RAB15: variants seen among roughly 807,000 people sequenced by gnomAD.
The protein encoded by RAB15 is RAB15, member RAS oncogene family, also known as ras-related protein Rab-15.
RAB15 carries 13 observed loss-of-function variants against 31.8 expected under a neutral mutation model. That is an observed-to-expected ratio of 0.41 (90% confidence interval 0.27 to 0.65). The LOEUF (loss-of-function observed/expected upper bound fraction) is 0.65, where lower values mean the gene tolerates loss of function less well. Ranked by LOEUF, RAB15 falls within the 30% of genes least tolerant of loss-of-function variation. The pLI, the probability that RAB15 is intolerant of heterozygous loss-of-function variation, is 0.32. For synonymous variants in RAB15, 100 were observed against 105.6 expected (o/e 0.95, Z 0.33); for missense variants, 220 against 277.3 (o/e 0.79, Z 1.47).
In RAB15 at chr14:64,971,208, A is replaced by T. The variant is rs1471016966; in HGVS notation, c.124+745T>A. Among the ~76,000 whole-genome samples the T allele has an allele frequency of 6.6e-6, 1 of 152,146 alleles. No individual in the cohort carries two copies. The highest frequency in any genetic ancestry group is 1.5e-5 in the Non-Finnish European group (1 of 68,010). On this transcript the variant is annotated intron_variant, in intron 1 of 6. Coordinates refer to ENST00000533601, the MANE Select transcript of RAB15 (RefSeq NM_001308154.2). The surrounding 1 kb of genome is among the most constrained non-coding windows in gnomAD (Gnocchi z 4.1). ...TGACCCCATCATAGTGCTGTCTGGG[A>T]TGCCACCGGGTCTTGTCCCTCTAAC...
chr14:64,954,175 C>T lies in RAB15; in HGVS notation c.125-1604G>A. On this transcript the variant is annotated intron_variant, in intron 1 of 6. Transcript: ENST00000533601. This position sits in a 1 kb window ranked among gnomAD's most constrained non-coding sequence, Gnocchi z 4.3. ...CCCAAGCTGATTCATATCCATTGAG[C>T]TGTACTTTTCCAAATGGGCAATGCC... 2 of 985,420 alleles carry T rather than the reference C, an allele frequency of 2.0e-6. No homozygotes were observed. Among genetic ancestry groups the T allele is most frequent in the Non-Finnish European group, 2.4e-6 (2 of 829,936 alleles). The allele number at this position is 985,420 out of a possible 1,614,324, so 61.0% of individuals were successfully genotyped here.
chr14:64,954,102 CA>C lies in RAB15; in HGVS notation c.125-1532del. Reference sequence around the variant, plus strand: ...CAAGGGAAAAAAGATGCAGAACGGGCAACCTGAACTAAATCGATTTGGTCAG... The same window carrying C: ...CAAGGGAAAAAAGATGCAGAACGGGCACCTGAACTAAATCGATTTGGTCAG... On this transcript the variant is annotated intron_variant, in intron 1 of 6. Transcript: ENST00000533601. This position sits in a 1 kb window ranked among gnomAD's most constrained non-coding sequence, Gnocchi z 4.3. 1 of 985,436 alleles carries C rather than the reference CA, an allele frequency of 1.0e-6. No individual in the cohort carries two copies. Among genetic ancestry groups the C allele is most frequent in the Non-Finnish European group, 1.2e-6 (1 of 829,926 alleles). 61.0% of individuals were successfully genotyped at this position (985,436 alleles called of 1,614,324 possible).
chr14:64,971,763 C>T lies in RAB15; in HGVS notation c.124+190G>A, dbSNP rs1887431639. 2 of 592,620 alleles carry T rather than the reference C, an allele frequency of 3.4e-6. No homozygotes were observed. Among genetic ancestry groups the T allele is most frequent in the African/African-American group, 3.8e-5 (2 of 52,110 alleles). 36.7% of individuals were successfully genotyped at this position (592,620 alleles called of 1,614,324 possible). A position where few individuals can be genotyped will look rare whatever the true frequency, so the allele number is the denominator to read the frequency against. On this transcript the variant is annotated intron_variant, in intron 1 of 6. Transcript: ENST00000533601. This position sits in a 1 kb window ranked among gnomAD's most constrained non-coding sequence, Gnocchi z 4.1. Reference sequence around the variant, plus strand: ...CGGGAGACCCCACCCCTGGTCCGGACGGCAGGCAGCAGGGACACCCTCACC... The same window carrying T: ...CGGGAGACCCCACCCCTGGTCCGGATGGCAGGCAGCAGGGACACCCTCACC...
chr14:64,960,072 T>C (rs1481172860), intron 1 of RAB15, among the ~76,000 whole-genome samples: 3 of 152,144 alleles, frequency 2.0e-5, no homozygotes, highest in Admixed American at 1.3e-4. Flanking sequence ...CTGCTGTGAC[T>C]CTGTCTGTAT....
chr14:64,957,336 C>T (rs1886631987), intron 1 of RAB15, among the ~76,000 whole-genome samples: 1 of 152,170 alleles, frequency 6.6e-6, no homozygotes, highest in Non-Finnish European at 1.5e-5. Context: ...GTAGTCCTCT[C>T]ACTCCTACCT....
rs939609612 is a variant in RAB15, at chr14:64,968,853, G to A, written c.124+3100C>T. ...TGCCTGTGGCAGAGCCAGTGGCAGG[G>A]CCACCTGCTGGTCTGCTGGCCAGAA... On this transcript the variant is annotated intron_variant, in intron 1 of 6. Transcript: ENST00000533601. The surrounding 1 kb of genome is among the most constrained non-coding windows in gnomAD (Gnocchi z 4.9). 4.6e-5 allele frequency among the ~76,000 whole-genome samples: 7 copies of A among 152,232 alleles called. No homozygotes were observed. Among genetic ancestry groups the A allele is most frequent in the African/African-American group, 1.7e-4 (7 of 41,464 alleles).
At chr14:64,959,750 G>A (rs185234634) in intron 1 of RAB15, among the ~76,000 whole-genome samples, 1 of 150,822 alleles carries the variant, frequency 6.6e-6, no homozygotes, top group African/African-American at 2.4e-5. Flanking sequence ...GTGTCCACCT[G>A]TGGTCCCAGC....
At chr14:64,959,642 C>T (rs1337253412) in intron 1 of RAB15, among the ~76,000 whole-genome samples, 1 of 151,944 alleles carries the variant, frequency 6.6e-6, no homozygotes, top group African/African-American at 2.4e-5. Flanking sequence ...GGTGGGAGGA[C>T]TGCTTGCGCC....
intron 1 of RAB15, among the ~76,000 whole-genome samples, chr14:64,966,299 A>G (rs1887134576): frequency 6.6e-6 from 1 of 152,132 alleles, no homozygotes; most frequent in Non-Finnish European, 1.5e-5. Flanking sequence ...CAAGTGATGG[A>G]TACACAGGAT....
At position 64,971,964 on chromosome 14, in the gene RAB15, A is replaced by T. The variant is rs1456225797; in HGVS notation, c.113T>A (p.Ile38Asn). 6.3e-7 allele frequency: 1 copy of T among 1,582,202 alleles called. No individual in the cohort carries two copies. Among genetic ancestry groups the T allele is most frequent in the Non-Finnish European group, 8.6e-7 (1 of 1,164,808 alleles). The change falls in exon 1 of 7, where the codon ATC (isoleucine) becomes AAC (asparagine). Residue 38 changes from isoleucine (I) to asparagine (N), a missense_variant. Coordinates refer to ENST00000533601, the MANE Select transcript of RAB15 (RefSeq NM_001308154.2). This position sits in a 1 kb window ranked among gnomAD's most constrained non-coding sequence, Gnocchi z 4.1. ...FTDNEFHSSHISTIGVDFKMK... is the reference protein window; with the variant it reads ...FTDNEFHSSHNSTIGVDFKMK... ...CCACCGCCCCTTACCGATGGTGGAG[A>T]TGTGCGAGGAGTGGAACTCGTTGTC...
At chr14:64,964,528 AAAG>A (rs1263088561) in intron 1 of RAB15, among the ~76,000 whole-genome samples, 3 of 146,814 alleles carry the variant, frequency 2.0e-5, no homozygotes, top group Non-Finnish European at 4.5e-5. Flanking sequence ...CAAAAAAAAA[AAAG>A]AAAAAAAGAA....
chr14:64,960,508 T>A (rs1357594380), intron 1 of RAB15, among the ~76,000 whole-genome samples: 3 of 152,220 alleles, frequency 2.0e-5, no homozygotes. Context: ...TATCACTAAT[T>A]ACCTGCATGG....
rs1257040368 is a variant in RAB15, at chr14:64,964,518, CA to C, written c.124+7434del. Reference sequence around the variant, plus strand: ...CTGGTGACAGAGCAAGACTCTGTTTCAAAAAAAAAAAAGAAAAAAAGAAAAA... The same window carrying C: ...CTGGTGACAGAGCAAGACTCTGTTTCAAAAAAAAAAAGAAAAAAAGAAAAA... On this transcript the variant is annotated intron_variant, in intron 1 of 6. Coordinates refer to ENST00000533601, the MANE Select transcript of RAB15 (RefSeq NM_001308154.2). Among the ~76,000 whole-genome samples, 583 of 71,754 alleles carry C rather than the reference CA, an allele frequency of 8.1e-3. 1 individual carries two copies. The highest frequency in any genetic ancestry group is 0.011 in the Non-Finnish European group (417 of 37,168). The allele number at this position is 71,754 out of a possible 152,430, so 47.1% of individuals were successfully genotyped here.
Position 64,951,549 on chromosome 14 carries a change from C to T in RAB15, c.246+54G>A, listed in dbSNP as rs201092247. ...GCACAGACATCTCAAATACCCAGAG[C>T]TGGGAGTGTGGGTGGCAGCTTCCCA... On this transcript the variant is annotated intron_variant, in intron 3 of 6. Transcript: ENST00000533601. This position sits in a 1 kb window ranked among gnomAD's most constrained non-coding sequence, Gnocchi z 7.2. 8 of 1,486,732 alleles carry T rather than the reference C, an allele frequency of 5.4e-6. No individual in the cohort carries two copies. Among genetic ancestry groups the T allele is most frequent in the Non-Finnish European group, 7.5e-6 (8 of 1,063,596 alleles). 92.1% of individuals were successfully genotyped at this position (1,486,732 alleles called of 1,614,324 possible).
chr14:64,952,178 TG>T lies in RAB15; in HGVS notation c.185+332del, dbSNP rs34543833. Reference sequence around the variant, plus strand: ...TCTCTCAGGGTCTCGCCCTAAATGATGGGGGGTGTAGCCTCCTTCCTTCCAA... The same window carrying T: ...TCTCTCAGGGTCTCGCCCTAAATGATGGGGGTGTAGCCTCCTTCCTTCCAA... On this transcript the variant is annotated intron_variant, in intron 2 of 6. Coordinates refer to ENST00000533601, the MANE Select transcript of RAB15 (RefSeq NM_001308154.2). The surrounding 1 kb of genome is among the most constrained non-coding windows in gnomAD (Gnocchi z 4.2). 7.2e-5 allele frequency among the ~76,000 whole-genome samples: 11 copies of T among 152,218 alleles called. No homozygotes were observed. The highest frequency in any genetic ancestry group is 2.6e-4 in the Admixed American group (4 of 15,294).
rs1404330994 is a variant in RAB15, at chr14:64,952,091, G to A, written c.185+420C>T. Among the ~76,000 whole-genome samples, 3 of 152,190 alleles carry A rather than the reference G, an allele frequency of 2.0e-5. No individual in the cohort carries two copies. Among genetic ancestry groups the A allele is most frequent in the Non-Finnish European group, 4.4e-5 (3 of 68,020 alleles). ...AAAGGCAGTGCTTCCAAGACCTCAGGCAGAGAGCCACAGCAGCACCCTCTG... is the reference window on the plus strand; with the variant it reads ...AAAGGCAGTGCTTCCAAGACCTCAGACAGAGAGCCACAGCAGCACCCTCTG... On this transcript the variant is annotated intron_variant, in intron 2 of 6. Transcript: ENST00000533601. This position sits in a 1 kb window ranked among gnomAD's most constrained non-coding sequence, Gnocchi z 4.2.
In RAB15 at chr14:64,958,772, A is replaced by G. The variant is rs1886708193; in HGVS notation, c.125-6201T>C. 6.6e-6 allele frequency among the ~76,000 whole-genome samples: 1 copy of G among 152,160 alleles called. No individual in the cohort carries two copies. Among genetic ancestry groups the G allele is most frequent in the Admixed American group, 6.6e-5 (1 of 15,262 alleles). ...GAGACGCTGAGAGCCCCAGGAGGAGAAAGTCAGACAGATGGGCCCTCTCCC... is the reference window on the plus strand; with the variant it reads ...GAGACGCTGAGAGCCCCAGGAGGAGGAAGTCAGACAGATGGGCCCTCTCCC... On this transcript the variant is annotated intron_variant, in intron 1 of 6. Transcript: ENST00000533601. The surrounding 1 kb of genome is among the most constrained non-coding windows in gnomAD (Gnocchi z 4.4).
intron 1 of RAB15, among the ~76,000 whole-genome samples, chr14:64,963,064 T>G (rs923524204): frequency 1.3e-5 from 2 of 151,056 alleles, no homozygotes; most frequent in Admixed American, 1.3e-4. Context: ...AGGTACATAG[T>G]AAGTATATGG....
In RAB15 at chr14:64,971,563, C is replaced by G. The variant is rs1224628750; in HGVS notation, c.124+390G>C. On this transcript the variant is annotated intron_variant, in intron 1 of 6. Transcript: ENST00000533601. This position sits in a 1 kb window ranked among gnomAD's most constrained non-coding sequence, Gnocchi z 4.1. ...GGCGCCTCAGTGACTCCGGTCTCCA[C>G]CCTGACCCCCTTTTCCGTAGCAGAA... Among the ~76,000 whole-genome samples, 2 of 152,034 alleles carry G rather than the reference C, an allele frequency of 1.3e-5. No homozygotes were observed. The highest frequency in any genetic ancestry group is 4.8e-5 in the African/African-American group (2 of 41,408).
Sources: allele counts gnomAD v4.1 joint callset (sites outside exome capture counted in the v4.1 genomes callset), GRCh38; gene constraint gnomAD v4.1.1; non-coding constraint Gnocchi (gnomAD v3.1); transcripts MANE v1.5; gene names NCBI Gene and HGNC (gene_info 2026-07-23, HGNC 2026-07-21).